CTNNA2: variants seen among roughly 807,000 people sequenced by gnomAD.
CTNNA2 encodes catenin alpha 2.
CTNNA2 carries 42 observed loss-of-function variants against 101.0 expected under a neutral mutation model. That is an observed-to-expected ratio of 0.42 (90% CI 0.32 to 0.54). CTNNA2 has a LOEUF of 0.54. CTNNA2 is among the 20% of genes least tolerant of loss of function. The pLI is 0.14. For synonymous variants in CTNNA2, 450 were observed against 456.4 expected, an observed-to-expected ratio of 0.99 and a Z score of 0.18; for missense variants, 871 against 1,223.1, an observed-to-expected ratio of 0.71 and a Z score of 4.29.
At chr2:79,750,917 T>C (rs967494761) in intron 3 of CTNNA2, among the ~76,000 whole-genome samples, 2 of 151,990 alleles carry the variant, frequency 1.3e-5, no homozygotes, top group African/African-American at 4.8e-5. Flanking sequence ...GAGAAACAAC[T>C]TGATATTCTA....
chr2:79,935,416 A>G (rs932372062), intron 7 of CTNNA2, among the ~76,000 whole-genome samples: 2 of 151,866 alleles, frequency 1.3e-5, no homozygotes, highest in Non-Finnish European at 2.9e-5. Flanking sequence ...GCAGAAAAGT[A>G]CAAAGAACGA....
chr2:79,826,798 A>G (rs748763490), intron 3 of CTNNA2, among the ~76,000 whole-genome samples: 34 of 152,192 alleles, frequency 2.2e-4, no homozygotes, highest in Non-Finnish European at 4.7e-4. Flanking sequence ...CATCAAGGAA[A>G]GAGAATAGTG....
intron 7 of CTNNA2, among the ~76,000 whole-genome samples, chr2:80,026,613 A>T (rs1694948935): frequency 6.6e-6 from 1 of 152,286 alleles, no homozygotes; most frequent in East Asian, 1.9e-4. Flanking sequence ...ACACCACTTT[A>T]CTTAGCAACT....
At chr2:80,350,586 C>T (rs893740219) in intron 7 of CTNNA2, among the ~76,000 whole-genome samples, 5 of 152,244 alleles carry the variant, frequency 3.3e-5, no homozygotes, top group South Asian at 4.2e-4. Context: ...ATGAACCTCT[C>T]CAAGTAAGAC....
chr2:80,343,231 C>G (rs1383651995), intron 7 of CTNNA2, among the ~76,000 whole-genome samples: 1 of 152,050 alleles, frequency 6.6e-6, no homozygotes, highest in African/African-American at 2.4e-5. Context: ...ACGTCACATT[C>G]TAGGGCTTAT....
At chr2:79,813,835 G>A (rs939213605) in intron 3 of CTNNA2, among the ~76,000 whole-genome samples, 8 of 152,140 alleles carry the variant, frequency 5.3e-5, no homozygotes, top group African/African-American at 1.4e-4. Context: ...TGATATAAAT[G>A]GGATACTTTA....
chr2:79,646,464 T>G, intron 1 of CTNNA2, among the ~76,000 whole-genome samples: 1 of 151,968 alleles, frequency 6.6e-6, no homozygotes, highest in East Asian at 1.9e-4. Context: ...TCTGAAGTAT[T>G]ACCAGGTGGG....
chr2:79,681,427 A>G (rs1267634875), intron 2 of CTNNA2, among the ~76,000 whole-genome samples: 1 of 152,122 alleles, frequency 6.6e-6, no homozygotes, highest in Non-Finnish European at 1.5e-5. Context: ...CATGCCCTAG[A>G]CTTTTGCACC....
intron 18 of CTNNA2, among the ~76,000 whole-genome samples, chr2:80,620,088 C>A (rs963870906): frequency 2.0e-5 from 3 of 151,754 alleles, no homozygotes; most frequent in Admixed American, 6.6e-5. Flanking sequence ...AAAGGGAGTT[C>A]ATGGAGGTGG....
At chr2:80,377,947 T>G in intron 7 of CTNNA2, among the ~76,000 whole-genome samples, 1 of 152,192 alleles carries the variant, frequency 6.6e-6, no homozygotes, top group East Asian at 1.9e-4. Flanking sequence ...ACTACAAGAC[T>G]TTATTGAGTA....
At chr2:79,584,799 C>T (rs1433973480) in intron 1 of CTNNA2, among the ~76,000 whole-genome samples, 5 of 152,100 alleles carry the variant, frequency 3.3e-5, no homozygotes, top group Non-Finnish European at 5.9e-5. Flanking sequence ...GGATTACAGG[C>T]GTGAGCCACC....
At chr2:79,291,158 A>G (rs2104378661) in intron 2 of CTNNA2, among the ~76,000 whole-genome samples, 1 of 152,348 alleles carries the variant, frequency 6.6e-6, no homozygotes, top group South Asian at 2.1e-4. Flanking sequence ...CTATGACACA[A>G]GTAACCACCC....
chr2:80,310,609 G>T (rs1011311309), intron 7 of CTNNA2, among the ~76,000 whole-genome samples: 5 of 152,166 alleles, frequency 3.3e-5, no homozygotes, highest in African/African-American at 1.2e-4. Flanking sequence ...GTCTTTCTGG[G>T]AAAAGCTTTG....
intron 8 of CTNNA2, among the ~76,000 whole-genome samples, chr2:80,408,641 G>C (rs1679278521): frequency 6.6e-6 from 1 of 152,178 alleles, no homozygotes; most frequent in Non-Finnish European, 1.5e-5. Context: ...TAGATACTCA[G>C]AATAAAACAT....
intron 7 of CTNNA2, among the ~76,000 whole-genome samples, chr2:80,227,470 C>T (rs750080827): frequency 1.4e-4 from 22 of 152,330 alleles, no homozygotes; most frequent in Admixed American, 6.5e-4. Flanking sequence ...TTACAATCCA[C>T]GCCCAGCCCT....
chr2:80,377,070 A>C (rs1249158334), intron 7 of CTNNA2, among the ~76,000 whole-genome samples: 1 of 152,218 alleles, frequency 6.6e-6, no homozygotes, highest in African/African-American at 2.4e-5. Flanking sequence ...ATCAGGGTCA[A>C]TGTCTGGTTC....
intron 2 of CTNNA2, among the ~76,000 whole-genome samples, chr2:79,218,259 A>C (rs1674292195): frequency 6.6e-6 from 1 of 150,994 alleles, no homozygotes; most frequent in South Asian, 2.1e-4. Context: ...ACAGGGGTCC[A>C]GTAGAGTCTG....
intron 3 of CTNNA2, among the ~76,000 whole-genome samples, chr2:79,340,551 A>C (rs895719482): frequency 6.6e-6 from 1 of 152,164 alleles, no homozygotes; most frequent in African/African-American, 2.4e-5. Context: ...GGAATACATG[A>C]GGCCGGGCGT....
At chr2:80,640,798 C>A (rs1373622749) in intron 18 of CTNNA2, among the ~76,000 whole-genome samples, 1 of 152,054 alleles carries the variant, frequency 6.6e-6, no homozygotes, top group East Asian at 1.9e-4. Flanking sequence ...CAATATGTGA[C>A]TCCTTTGAGG....
Sources: gnomAD v4.1 joint callset for allele counts (sites outside exome capture counted in the v4.1 genomes callset) on GRCh38, gnomAD v4.1.1 for gene constraint, MANE v1.5 for transcripts, NCBI Gene and HGNC (gene_info 2026-07-23, HGNC 2026-07-21) for gene names.